The following CLEC2A variants were observed in gnomAD, a reference collection of about 807,000 sequenced individuals.
CLEC2A encodes the protein C-type lectin domain family 2 member A, also known as keratinocyte-associated C-type lectin.
CLEC2A carries 19 observed loss-of-function variants against 18.6 expected under a neutral mutation model. The observed-to-expected ratio is 1.02, with a 90% CI of 0.71 to 1.50. The LOEUF (loss-of-function observed/expected upper bound fraction) is 1.50. CLEC2A is among the 40% of genes most tolerant of loss of function. The pLI is 0.00. For missense variants in CLEC2A, 190 were observed against 207.9 expected, an observed-to-expected ratio of 0.91 and a Z score of 0.53; for synonymous variants, 74 against 64.0, an observed-to-expected ratio of 1.16 and a Z score of -0.75.
chr12:9,927,690 G>A (rs1422446611), intron 1 of CLEC2A, among the ~76,000 whole-genome samples: 1 of 152,126 alleles, frequency 6.6e-6, no homozygotes, highest in Non-Finnish European at 1.5e-5. Context: ...TACAGATAAT[G>A]TGCAATAAAG....
chr12:9,923,756 G>T (rs1363484222), intron 2 of CLEC2A, among the ~76,000 whole-genome samples: 7 of 152,114 alleles, frequency 4.6e-5, no homozygotes, highest in African/African-American at 1.7e-4. Context: ...CCTTAAAAAA[G>T]GATGAGTTCA....
the CLEC2A span, among the ~76,000 whole-genome samples, chr12:9,889,655 T>C: frequency 2.1e-5 from 3 of 141,354 alleles, no homozygotes; most frequent in East Asian, 6.8e-4. Context: ...TATGTGTGTG[T>C]GTGTGTATAT....
intron 4 of CLEC2A, among the ~76,000 whole-genome samples, chr12:9,902,572 G>A (rs917172985): frequency 2.6e-5 from 4 of 151,396 alleles, no homozygotes; most frequent in Admixed American, 1.3e-4. Flanking sequence ...GCTCAGTGCC[G>A]GGCAACCCGC....
At chr12:9,924,169 A>C (rs1354457590) in intron 2 of CLEC2A, among the ~76,000 whole-genome samples, 2 of 152,132 alleles carry the variant, frequency 1.3e-5, no homozygotes, top group Middle Eastern at 3.2e-3. Context: ...GACTGGCCTG[A>C]GATGGTATCT....
At chr12:9,893,534 C>A in the CLEC2A span, 1 of 1,427,836 alleles carries the variant, frequency 7.0e-7, no homozygotes, top group East Asian at 2.5e-5. Flanking sequence ...CTTTTTAGTT[C>A]CAGAATTGTG....
intron 1 of CLEC2A, among the ~76,000 whole-genome samples, chr12:9,926,642 G>T (rs1863277308): frequency 6.6e-6 from 1 of 152,022 alleles, no homozygotes; most frequent in African/African-American, 2.4e-5. Context: ...TTTGAATGGG[G>T]GATTTTAAGC....
downstream of CLEC2A, among the ~76,000 whole-genome samples, chr12:9,896,858 ATTTT>A (rs764556099): frequency 2.2e-5 from 3 of 135,946 alleles, no homozygotes; most frequent in Admixed American, 7.3e-5. Context: ...CAGTCTCTTA[ATTTT>A]TTTTTTTTTT....
At chr12:9,925,111 T>G (rs1290949885) in intron 2 of CLEC2A, among the ~76,000 whole-genome samples, 1 of 152,226 alleles carries the variant, frequency 6.6e-6, no homozygotes, top group Non-Finnish European at 1.5e-5. Flanking sequence ...AATATATAAG[T>G]GTTCAACTCT....
intron 4 of CLEC2A, among the ~76,000 whole-genome samples, chr12:9,915,717 G>A (rs1863059806): frequency 6.6e-6 from 1 of 152,122 alleles, no homozygotes; most frequent in Admixed American, 6.5e-5. Flanking sequence ...TGGGAGAAAG[G>A]GGAGGAAGAG....
intron 2 of CLEC2A, 69 bp from the exon 3 acceptor site, chr12:9,922,301 A>G (rs1341239586): frequency 6.0e-6 from 8 of 1,337,452 alleles, no homozygotes; most frequent in Non-Finnish European, 7.8e-6. Context: ...ATTCAGGTGT[A>G]TTAATTTTAC....
intron 4 of CLEC2A, among the ~76,000 whole-genome samples, chr12:9,901,831 T>C (rs963898463): frequency 8.5e-5 from 13 of 152,344 alleles, no homozygotes; most frequent in Middle Eastern, 6.8e-3. Context: ...CCTTTACAAA[T>C]TTTGCCAAAG....
chr12:9,915,405 A>G (rs189630786), intron 4 of CLEC2A, among the ~76,000 whole-genome samples: 1 of 152,200 alleles, frequency 6.6e-6, no homozygotes, highest in African/African-American at 2.4e-5. Context: ...ATGCACACAT[A>G]TGTTTATTGC....
At chr12:9,931,482 G>A (rs959962850) in intron 1 of CLEC2A, among the ~76,000 whole-genome samples, 20 of 152,272 alleles carry the variant, frequency 1.3e-4, no homozygotes, top group African/African-American at 4.8e-4. Context: ...AGTATAGGCT[G>A]CTAGAAATGC....
At chr12:9,921,886 G>A (rs1013519772) in intron 3 of CLEC2A, among the ~76,000 whole-genome samples, 180 bp downstream of exon 3, 2 of 152,026 alleles carry the variant, frequency 1.3e-5, no homozygotes, top group Admixed American at 1.3e-4. Flanking sequence ...AGAAGAGGAG[G>A]GTTTGCTCTT....
chr12:9,921,961 A>G (rs1863180006), intron 3 of CLEC2A, 105 bp downstream of exon 3: 3 of 1,008,588 alleles, frequency 3.0e-6, no homozygotes, highest in Non-Finnish European at 4.2e-6. Context: ...GTTCAAACCC[A>G]TGTTGTTCAA....
chr12:9,922,270 T>A lies in CLEC2A; in HGVS notation c.140-38A>T, dbSNP rs144325281. On this transcript the variant is annotated intron_variant, in intron 2 of 4. Transcript: ENST00000455827. ...GAAAGAAATGATCAGATAAAGCATA[T>A]GTTAAAAAGTGTTTCTACTCATTCA... 389 of 1,459,888 alleles carry A rather than the reference T, an allele frequency of 2.7e-4. 2 individuals are homozygous for A. The African/African-American group carries it at 5.0e-3, about 19-fold the overall frequency. The allele number at this position is 1,459,888 out of a possible 1,614,324, so 90.4% of individuals were successfully genotyped here.
At chr12:9,890,006 ATCT>A in the CLEC2A span, among the ~76,000 whole-genome samples, 2 of 152,136 alleles carry the variant, frequency 1.3e-5, no homozygotes, top group African/African-American at 2.4e-5. Context: ...TGTATAATAA[ATCT>A]TCTTGTACCT....
At chr12:9,896,529 T>C (rs910183956), downstream of CLEC2A, among the ~76,000 whole-genome samples, 1 of 152,152 alleles carries the variant, frequency 6.6e-6, no homozygotes, top group Admixed American at 6.5e-5. Context: ...ACACTGCCTA[T>C]TCTTTTTCTT....
intron 3 of CLEC2A, among the ~76,000 whole-genome samples, chr12:9,917,730 A>G (rs1193150625): frequency 2.0e-5 from 3 of 152,350 alleles, no homozygotes; most frequent in East Asian, 1.9e-4. Flanking sequence ...CCAATAGTGT[A>G]TAAGTGTTCT....
Sources: allele counts gnomAD v4.1 joint callset (sites outside exome capture counted in the v4.1 genomes callset), GRCh38; gene constraint gnomAD v4.1.1; transcripts MANE v1.5; gene names NCBI Gene and HGNC (gene_info 2026-07-23, HGNC 2026-07-21).